The following LRP1B variants were observed in gnomAD, a reference collection of about 807,000 sequenced individuals.
LRP1B encodes low-density lipoprotein receptor-related protein 1B.
LRP1B carries 217 observed loss-of-function variants against 556.6 expected under a neutral mutation model. The observed-to-expected ratio is 0.39, with a 90% confidence interval of 0.35 to 0.44. The LOEUF (loss-of-function observed/expected upper bound fraction) is 0.44, where lower values mean the gene tolerates loss of function less well. LRP1B is among the 20% of genes least tolerant of loss of function. The pLI, the probability that LRP1B is intolerant of heterozygous loss-of-function variation, is 1.00. For synonymous variants in LRP1B, 2,047 were observed against 1,865.8 expected, an observed-to-expected ratio of 1.10 and a Z score of -2.50; for missense variants, 5,053 against 5,620.8, an observed-to-expected ratio of 0.90 and a Z score of 3.23.
intron 41 of LRP1B, among the ~76,000 whole-genome samples, chr2:140,637,849 A>C (rs923918087): frequency 6.6e-6 from 1 of 152,218 alleles, no homozygotes; most frequent in African/African-American, 2.4e-5. Context: ...TCAGAGATTC[A>C]ATAAAATTTG....
At chr2:141,411,421 A>C (rs1690846914) in intron 3 of LRP1B, among the ~76,000 whole-genome samples, 1 of 152,120 alleles carries the variant, frequency 6.6e-6, no homozygotes, top group South Asian at 2.1e-4. Flanking sequence ...AAACAGAAAA[A>C]GTTCTCCTTA....
rs1254951038 is a variant in LRP1B at position 140,232,037 on chromosome 2, G to A, written c.*1149C>T. 2.0e-5 allele frequency: 3 copies of A among 151,288 alleles called. No homozygotes were observed. In the East Asian group the frequency reaches 5.9e-4, roughly 30 times the overall value. 9.4% of individuals were successfully genotyped at this position (151,288 alleles called of 1,614,324 possible). Reference sequence around the variant, plus strand: ...AGAAACCTGAATACCAGAGCAACTGGCACAGCATTTCGACTCTCCACTTTT... The same window carrying A: ...AGAAACCTGAATACCAGAGCAACTGACACAGCATTTCGACTCTCCACTTTT... On this transcript the variant is annotated 3_prime_UTR_variant, in exon 91 of 91. Coordinates refer to ENST00000389484, the MANE Select transcript of LRP1B (RefSeq NM_018557.3).
chr2:141,582,113 C>T (rs1686973677), intron 2 of LRP1B, among the ~76,000 whole-genome samples: 1 of 152,178 alleles, frequency 6.6e-6, no homozygotes, highest in South Asian at 2.1e-4. Context: ...ATTCAGATTT[C>T]CTCATAAATT....
At chr2:140,491,467 T>G (rs1232959761) in intron 57 of LRP1B, among the ~76,000 whole-genome samples, 1 of 151,982 alleles carries the variant, frequency 6.6e-6, no homozygotes, top group Non-Finnish European at 1.5e-5. Flanking sequence ...TGCACCTAAC[T>G]TTGAATTTAT....
At chr2:141,652,270 C>T (rs1689823901) in intron 2 of LRP1B, among the ~76,000 whole-genome samples, 1 of 152,022 alleles carries the variant, frequency 6.6e-6, no homozygotes, top group Non-Finnish European at 1.5e-5. Context: ...AATTTGGTTC[C>T]AGAAAAAATA....
At chr2:141,104,390 T>A (rs1194438081) in intron 7 of LRP1B, among the ~76,000 whole-genome samples, 1 of 152,078 alleles carries the variant, frequency 6.6e-6, no homozygotes, top group Non-Finnish European at 1.5e-5. Context: ...TTGGAGTATG[T>A]CAACCAGACA....
intron 3 of LRP1B, among the ~76,000 whole-genome samples, chr2:141,322,381 G>T (rs1687272963): frequency 6.6e-6 from 1 of 151,986 alleles, no homozygotes; most frequent in South Asian, 2.1e-4. Flanking sequence ...CTGATACCGG[G>T]GTATCTTGGG....
intron 6 of LRP1B, among the ~76,000 whole-genome samples, chr2:141,192,464 A>G (rs1476344091): frequency 6.6e-6 from 1 of 151,976 alleles, no homozygotes; most frequent in African/African-American, 2.4e-5. Context: ...ATAGGAGATG[A>G]ATGAAAATAA....
chr2:141,342,160 C>T (rs576051128), intron 3 of LRP1B, among the ~76,000 whole-genome samples: 5 of 150,014 alleles, frequency 3.3e-5, no homozygotes, highest in Admixed American at 6.7e-5. Context: ...AGGAGAATGG[C>T]GTGAACTTGG....
chr2:141,986,125 CTTA>C (rs1487033027), intron 1 of LRP1B, among the ~76,000 whole-genome samples: 1 of 151,716 alleles, frequency 6.6e-6, no homozygotes, highest in African/African-American at 2.4e-5. Context: ...GCCCTAAATT[CTTA>C]TTATGTTTTT....
intron 35 of LRP1B, among the ~76,000 whole-genome samples, chr2:140,763,204 C>T (rs1019570279): frequency 1.3e-5 from 2 of 152,052 alleles, no homozygotes; most frequent in Non-Finnish European, 2.9e-5. Context: ...ATTTTTCAAT[C>T]TCTCAGCAGC....
intron 75 of LRP1B, among the ~76,000 whole-genome samples, chr2:140,353,854 C>T (rs1469272115): frequency 6.6e-6 from 1 of 151,974 alleles, no homozygotes; most frequent in Admixed American, 6.6e-5. Context: ...CACTTCTGGA[C>T]TCATATATAT....
intron 49 of LRP1B, among the ~76,000 whole-genome samples, chr2:140,520,017 G>A (rs1690090762): frequency 6.6e-6 from 1 of 151,214 alleles, no homozygotes; most frequent in Non-Finnish European, 1.5e-5. Context: ...CTGTTTTTGG[G>A]AGTGTTCAAC....
At chr2:141,185,673 GAAAAACAAACAAAC>G (rs199586323) in intron 7 of LRP1B, among the ~76,000 whole-genome samples, 1,674 of 23,750 alleles carry the variant, frequency 0.07, 102 homozygotes, top group East Asian at 0.37. Context: ...ATGGAGAACT[GAAAAACAAACAAAC>G]AAAAAAAAAC....
intron 7 of LRP1B, among the ~76,000 whole-genome samples, chr2:141,099,331 C>A (rs987711810): frequency 6.6e-6 from 1 of 152,100 alleles, no homozygotes; most frequent in Non-Finnish European, 1.5e-5. Context: ...ACGTTAATTT[C>A]TTTCTAGTGA....
At chr2:140,820,339 T>C (rs1206897556) in intron 31 of LRP1B, among the ~76,000 whole-genome samples, 1 of 152,192 alleles carries the variant, frequency 6.6e-6, no homozygotes, top group Non-Finnish European at 1.5e-5. Context: ...TGCCTTTATC[T>C]TAACATGATC....
At chr2:140,266,609 C>G (rs2104937253) in intron 86 of LRP1B, among the ~76,000 whole-genome samples, 1 of 152,116 alleles carries the variant, frequency 6.6e-6, no homozygotes, top group Non-Finnish European at 1.5e-5. Context: ...TTTCTATTCT[C>G]AGCTACCTTG....
At chr2:141,944,619 A>G (rs907542819) in intron 1 of LRP1B, among the ~76,000 whole-genome samples, 1 of 152,194 alleles carries the variant, frequency 6.6e-6, no homozygotes, top group Non-Finnish European at 1.5e-5. Context: ...GGTATAGAGA[A>G]TCATCCAAAG....
chr2:140,683,541 T>C, intron 41 of LRP1B: 2 of 635,668 alleles, frequency 3.1e-6, no homozygotes, highest in South Asian at 3.1e-5. Context: ...TGGATTTCCT[T>C]GATCTGCTTT....
Sources: gnomAD v4.1 joint callset for allele counts (sites outside exome capture counted in the v4.1 genomes callset) on GRCh38, gnomAD v4.1.1 for gene constraint, MANE v1.5 for transcripts, NCBI Gene and HGNC (gene_info 2026-07-23, HGNC 2026-07-21) for gene names.